MUCL1: variants seen among roughly 807,000 people sequenced by gnomAD.
MUCL1 encodes mucin like 1.
MUCL1 carries 11 observed loss-of-function variants against 9.2 expected under a neutral mutation model. The ratio of observed to expected loss-of-function variants is 1.19; its 90% CI spans 0.75 to 1.97. The LOEUF is 1.97. Ranked by LOEUF, MUCL1 falls within the 30% of genes most tolerant of loss-of-function variation. The probability of loss-of-function intolerance (pLI) is 0.00; values close to 1 mark genes in which losing one functional copy is unlikely to be tolerated. For missense variants in MUCL1, 144 were observed against 110.9 expected, an observed-to-expected ratio of 1.30 and a Z score of -1.34; for synonymous variants, 48 against 40.5, an observed-to-expected ratio of 1.19 and a Z score of -0.71.
At chr12:54,848,070 G>A (rs577794275) in intron 1 of MUCL1, among the ~76,000 whole-genome samples, 16 of 126,302 alleles carry the variant, frequency 1.3e-4, no homozygotes, top group South Asian at 5.8e-4. Flanking sequence ...TGAACCCATC[G>A]TTAGTCTGTG....
intron 1 of MUCL1, among the ~76,000 whole-genome samples, chr12:54,832,485 G>A (rs951730110): frequency 6.6e-6 from 1 of 151,900 alleles, no homozygotes; most frequent in Admixed American, 6.6e-5. Context: ...AAGAGCTAAG[G>A]GTTTTGTTTA....
chr12:54,852,323 A>G (rs1158708000), upstream of MUCL1, among the ~76,000 whole-genome samples: 6 of 152,346 alleles, frequency 3.9e-5, no homozygotes, highest in East Asian at 1.2e-3. Flanking sequence ...AGACCAATGG[A>G]ACAGAACAGA....
At chr12:54,846,481 G>A (rs140248742) in intron 1 of MUCL1, among the ~76,000 whole-genome samples, 198 of 152,290 alleles carry the variant, frequency 1.3e-3, no homozygotes, top group African/African-American at 4.1e-3. Context: ...TCACTTCATG[G>A]GAGAGTATTT....
At chr12:54,851,178 G>T (rs1322378033), upstream of MUCL1, among the ~76,000 whole-genome samples, 1 of 152,052 alleles carries the variant, frequency 6.6e-6, no homozygotes, top group Non-Finnish European at 1.5e-5. Flanking sequence ...CAACCCATTT[G>T]TCAATTTTGG....
intron 1 of MUCL1, among the ~76,000 whole-genome samples, chr12:54,840,681 G>A (rs776322692): frequency 2.0e-5 from 3 of 152,210 alleles, no homozygotes; most frequent in Non-Finnish European, 2.9e-5. Flanking sequence ...CTATCCATAT[G>A]TGGGTATAAG....
At chr12:54,854,366 A>G, upstream of MUCL1, 2 of 535,428 alleles carry the variant, frequency 3.7e-6, no homozygotes, top group Non-Finnish European at 3.3e-6. Context: ...TTGAATTCAC[A>G]ACCTTTCCAA....
intron 1 of MUCL1, among the ~76,000 whole-genome samples, chr12:54,845,193 ATGGT>A (rs1404937714): frequency 4.1e-5 from 3 of 72,970 alleles, no homozygotes; most frequent in Non-Finnish European, 8.4e-5. Context: ...CACAATGGAG[ATGGT>A]TCATCTTCTT....
upstream of MUCL1, among the ~76,000 whole-genome samples, chr12:54,850,592 C>A (rs1047954177): frequency 1.1e-4 from 17 of 152,122 alleles, 1 homozygote; most frequent in Admixed American, 9.8e-4. Flanking sequence ...CAAGTCTTTG[C>A]TATTGTGAAT....
At chr12:54,847,953 G>T (rs1959280726) in intron 1 of MUCL1, among the ~76,000 whole-genome samples, 1 of 151,628 alleles carries the variant, frequency 6.6e-6, no homozygotes, top group East Asian at 1.9e-4. Flanking sequence ...CACAGGATGA[G>T]ATCTTACCTT....
chr12:54,839,251 G>A (rs1019333777), upstream of MUCL1: 7 of 648,058 alleles, frequency 1.1e-5, no homozygotes, highest in South Asian at 1.2e-4. Flanking sequence ...ACTGGTTGTA[G>A]TACAATATGC....
At chr12:54,847,716 G>T (rs10783679) in intron 1 of MUCL1, among the ~76,000 whole-genome samples, 68,460 of 151,798 alleles carry the variant, frequency 0.45, 16,364 homozygotes, top group East Asian at 0.84. Context: ...AGAATCAAAT[G>T]AGGTAGTGAT....
upstream of MUCL1, among the ~76,000 whole-genome samples, chr12:54,854,082 A>G (rs1868278342): frequency 6.6e-6 from 1 of 152,106 alleles, no homozygotes; most frequent in Admixed American, 6.6e-5. Flanking sequence ...GTTACACCGG[A>G]TGGTCTTTGG....
intron 1 of MUCL1, among the ~76,000 whole-genome samples, chr12:54,832,593 C>T (rs1228091858): frequency 3.3e-5 from 5 of 152,022 alleles, no homozygotes; most frequent in African/African-American, 7.2e-5. Flanking sequence ...ATCCTACTTA[C>T]TCGTCTATTT....
At chr12:54,856,265 C>T (rs765811325) in intron 2 of MUCL1, among the ~76,000 whole-genome samples, 1 of 128,984 alleles carries the variant, frequency 7.8e-6, no homozygotes, top group African/African-American at 2.5e-5. Context: ...AGATATCTTA[C>T]TGCACTCTAA....
chr12:54,854,526 C>T lies in MUCL1; in HGVS notation c.-57C>T. 2 of 1,456,650 alleles carry T rather than the reference C, an allele frequency of 1.4e-6. No individual in the cohort carries two copies. Among genetic ancestry groups the T allele is most frequent in the Non-Finnish European group, 9.6e-7 (1 of 1,046,128 alleles). The allele number at this position is 1,456,650 out of a possible 1,614,324, so 90.2% of individuals were successfully genotyped here. A position where few individuals can be genotyped will look rare whatever the true frequency, so the allele number is the denominator to read the frequency against. Reference sequence around the variant, plus strand: ...TGGAATCCTGAAGTCAGCGCCTTGCCTTCTCTTAGGCTTTGAAGCATTTTT... The same window carrying T: ...TGGAATCCTGAAGTCAGCGCCTTGCTTTCTCTTAGGCTTTGAAGCATTTTT... On this transcript the variant is annotated 5_prime_UTR_variant, in exon 1 of 4. Transcript: ENST00000308796.
upstream of MUCL1, chr12:54,854,487 A>G: frequency 1.1e-6 from 1 of 934,014 alleles, no homozygotes; most frequent in South Asian, 1.5e-5. Flanking sequence ...CTCTGCATAT[A>G]TATTGTCAGG....
chr12:54,852,251 A>C (rs375163164), upstream of MUCL1, among the ~76,000 whole-genome samples: 136 of 152,328 alleles, frequency 8.9e-4, 5 homozygotes, highest in Admixed American at 2.3e-3. Flanking sequence ...ACCTGACTTC[A>C]AACTATACTA....
chr12:54,855,239 T>C (rs1309900110), intron 2 of MUCL1, 82 bp downstream of exon 2: 2 of 1,250,862 alleles, frequency 1.6e-6, no homozygotes, highest in Non-Finnish European at 2.3e-6. Flanking sequence ...CCAGTTTCCA[T>C]GTGGATAGTC....
intron 1 of MUCL1, among the ~76,000 whole-genome samples, chr12:54,833,757 G>A (rs1011540246): frequency 6.6e-6 from 1 of 150,936 alleles, no homozygotes; most frequent in Admixed American, 6.6e-5. Context: ...CACTCATAGA[G>A]GGGAATTGAA....
Sources: allele counts gnomAD v4.1 joint callset (sites outside exome capture counted in the v4.1 genomes callset), GRCh38; gene constraint gnomAD v4.1.1; transcripts MANE v1.5; gene names NCBI Gene and HGNC (gene_info 2026-07-23, HGNC 2026-07-21).